Variants in RAMP3 observed in about 807,000 individuals in gnomAD.
RAMP3 encodes the protein receptor activity modifying protein 3.
Under a neutral mutation model 13.5 loss-of-function variants are expected in RAMP3, and 14 were observed. That is an observed-to-expected ratio of 1.04 (90% CI 0.69 to 1.63). The LOEUF is 1.63. RAMP3 is among the 40% of genes most tolerant of loss of function. The probability of loss-of-function intolerance (pLI) is 0.00; values close to 1 mark genes in which losing one functional copy is unlikely to be tolerated. For missense variants in RAMP3, 200 were observed against 204.8 expected (o/e 0.98, Z 0.14); for synonymous variants, 106 against 88.3 (o/e 1.20, Z -1.12).
chr7:45,176,895 C>CTT lies in RAMP3; in HGVS notation c.59-414_59-413insTT, dbSNP rs1786198157. On this transcript the variant is annotated intron_variant, in intron 1 of 2. Coordinates refer to ENST00000242249, the MANE Select transcript of RAMP3 (RefSeq NM_005856.3). ...AGCCCTCCTCTGCCGCCCCTGCAGG[C>CTT]AGTGGGATGGTCCCCAGGTCTTAGA... Among the ~76,000 whole-genome samples the CTT allele has an allele frequency of 2.6e-5, 4 of 152,320 alleles. No individual in the cohort carries two copies. The South Asian group carries it at 8.3e-4, about 32-fold the overall frequency.
At chr7:45,176,872 C>A (rs935501899) in intron 1 of RAMP3, among the ~76,000 whole-genome samples, 2 of 152,184 alleles carry the variant, frequency 1.3e-5, no homozygotes, top group African/African-American at 4.8e-5. Context: ...TGGCCTGGAG[C>A]CCTCCTCTGC....
At chr7:45,164,898 T>C (rs185289115) in intron 1 of RAMP3, among the ~76,000 whole-genome samples, 345 of 152,326 alleles carry the variant, frequency 2.3e-3, no homozygotes, top group African/African-American at 7.7e-3. Context: ...TTACTTTTTG[T>C]TCTTATTTGA....
intron 1 of RAMP3, 47 bp from the exon 2 acceptor site, chr7:45,177,262 C>T (rs1786206642): frequency 1.2e-6 from 2 of 1,611,428 alleles, no homozygotes; most frequent in Non-Finnish European, 1.7e-6. Context: ...GTCCTGGCAT[C>T]CCCAGTGTGA....
At chr7:45,170,730 T>C (rs1786063879) in intron 1 of RAMP3, among the ~76,000 whole-genome samples, 1 of 152,030 alleles carries the variant, frequency 6.6e-6, no homozygotes, top group Non-Finnish European at 1.5e-5. Flanking sequence ...ATTTCAGCCT[T>C]GAACTCTTAG....
chr7:45,166,064 G>A (rs536651840), intron 1 of RAMP3, among the ~76,000 whole-genome samples: 6 of 152,186 alleles, frequency 3.9e-5, no homozygotes, highest in African/African-American at 1.4e-4. Context: ...GTAACTCTAC[G>A]TTTAACATTT....
rs575635815 is a variant in RAMP3, at chr7:45,181,069, G to C, written c.192-2088G>C. On this transcript the variant is annotated intron_variant, in intron 2 of 2. Transcript: ENST00000242249. The stretch of plus-strand genomic sequence containing the variant: ...ATGACCTCCTCTGTGCCAGGCACTT[G>C]CTGGGGCACATGGACCTCAACTCAT... Among the ~76,000 whole-genome samples, 230 of 152,332 alleles carry C rather than the reference G, an allele frequency of 1.5e-3. 1 individual carries two copies. Among genetic ancestry groups the C allele is most frequent in the African/African-American group, 5.5e-3 (229 of 41,574 alleles).
Position 45,170,633 on chromosome 7 carries a change from G to A in RAMP3, c.59-6676G>A, listed in dbSNP as rs560807657. On this transcript the variant is annotated intron_variant, in intron 1 of 2. Transcript: ENST00000242249. ...ATTACAGGCGTGAGCCTCTGCGCCC[G>A]GCCTTATTTTATTTATTTATTTATT... 6.7e-4 allele frequency among the ~76,000 whole-genome samples: 100 copies of A among 149,484 alleles called. 1 individual carries two copies. Among genetic ancestry groups the A allele is most frequent in the Middle Eastern group, 3.7e-3 (1 of 270 alleles).
intron 1 of RAMP3, among the ~76,000 whole-genome samples, chr7:45,162,224 A>T (rs1051774331): frequency 1.1e-4 from 16 of 152,150 alleles, no homozygotes; most frequent in African/African-American, 3.6e-4. Context: ...CTCTAAACTG[A>T]GGGAGGTGGT....
At chr7:45,159,329 T>TG (rs1785821649) in intron 1 of RAMP3, among the ~76,000 whole-genome samples, 2 of 152,194 alleles carry the variant, frequency 1.3e-5, no homozygotes, top group African/African-American at 4.8e-5. Flanking sequence ...CCCAGGCCGA[T>TG]GTGTCAGAGG....
At chr7:45,172,049 G>A (rs973228111) in intron 1 of RAMP3, among the ~76,000 whole-genome samples, 2 of 150,144 alleles carry the variant, frequency 1.3e-5, no homozygotes, top group African/African-American at 5.0e-5. Context: ...CCAGTGAGCT[G>A]GGGTGGGGTG....
intron 1 of RAMP3, chr7:45,163,930 A>G (rs1785911996): frequency 1.0e-6 from 1 of 977,082 alleles, no homozygotes; most frequent in Non-Finnish European, 1.2e-6. Context: ...GGATTCCATG[A>G]TGTGAAGGTT....
chr7:45,183,589 G>A lies in RAMP3; in HGVS notation c.*177G>A. On this transcript the variant is annotated 3_prime_UTR_variant, in exon 3 of 3. Coordinates refer to ENST00000242249, the MANE Select transcript of RAMP3 (RefSeq NM_005856.3). ...TCCCTCGAGGCCAGCCTGCTCCCTGGCTGAGGCTCAGGCTATCCGCCCAAG... is the reference window on the plus strand; with the variant it reads ...TCCCTCGAGGCCAGCCTGCTCCCTGACTGAGGCTCAGGCTATCCGCCCAAG... 1 of 883,972 alleles carries A rather than the reference G, an allele frequency of 1.1e-6. No individual in the cohort carries two copies. The highest frequency in any genetic ancestry group is 1.7e-6 in the Non-Finnish European group (1 of 584,244). The allele number at this position is 883,972 out of a possible 1,614,324, so 54.8% of individuals were successfully genotyped here. A position where few individuals can be genotyped will look rare whatever the true frequency, so the allele number is the denominator to read the frequency against.
At chr7:45,161,050 G>A (rs1471317986) in intron 1 of RAMP3, among the ~76,000 whole-genome samples, 2 of 152,250 alleles carry the variant, frequency 1.3e-5, no homozygotes, top group Non-Finnish European at 2.9e-5. Context: ...CATCCTCATA[G>A]CACCTCCGTG....
chr7:45,160,625 G>A (rs895811299), intron 1 of RAMP3, among the ~76,000 whole-genome samples: 1 of 152,102 alleles, frequency 6.6e-6, no homozygotes, highest in African/African-American at 2.4e-5. Flanking sequence ...GTCAAGGAGG[G>A]GGAGAGCGCC....
intron 1 of RAMP3, among the ~76,000 whole-genome samples, chr7:45,173,654 G>A (rs1198392953): frequency 1.4e-5 from 2 of 139,478 alleles, no homozygotes; most frequent in Non-Finnish European, 3.1e-5. Context: ...GGGAAGTGGA[G>A]GAAACCCCAG....
intron 1 of RAMP3, among the ~76,000 whole-genome samples, chr7:45,159,652 T>G (rs2128654579): frequency 6.6e-6 from 1 of 152,332 alleles, no homozygotes; most frequent in South Asian, 2.1e-4. Context: ...CTCACTGGCC[T>G]CAGTTTCCGA....
At chr7:45,158,672 G>GTGAT (rs1785810132) in intron 1 of RAMP3, among the ~76,000 whole-genome samples, 8 of 152,202 alleles carry the variant, frequency 5.3e-5, no homozygotes, top group Non-Finnish European at 5.9e-5. Context: ...AGTTCTGGGG[G>GTGAT]GGACATTGGT....
chr7:45,158,664 TTC>T (rs1785809211), intron 1 of RAMP3, among the ~76,000 whole-genome samples: 8 of 136,262 alleles, frequency 5.9e-5, no homozygotes, highest in Non-Finnish European at 6.2e-5. Context: ...GCCTGGCCAG[TTC>T]TGGGGGGGAC....
At chr7:45,178,433 C>A (rs1170812767) in intron 2 of RAMP3, among the ~76,000 whole-genome samples, 4 of 152,240 alleles carry the variant, frequency 2.6e-5, no homozygotes, top group Non-Finnish European at 5.9e-5. Flanking sequence ...CATGTTAGCA[C>A]CCCAGCCCCT....
Sources: gnomAD v4.1 joint callset for allele counts (sites outside exome capture counted in the v4.1 genomes callset) on GRCh38, gnomAD v4.1.1 for gene constraint, MANE v1.5 for transcripts, NCBI Gene and HGNC (gene_info 2026-07-23, HGNC 2026-07-21) for gene names.